Variants in NAAA observed in about 807,000 individuals in gnomAD.
The protein encoded by NAAA is N-acylethanolamine acid amidase, also known as N-acylethanolamine-hydrolyzing acid amidase.
In NAAA, 39 loss-of-function variants were observed where a neutral mutation model predicts 44.8. The observed-to-expected ratio is 0.87, with a 90% CI of 0.67 to 1.14. The LOEUF (loss-of-function observed/expected upper bound fraction) is 1.14, where lower values mean the gene tolerates loss of function less well. Ranked by LOEUF, NAAA falls within the 50% of genes most tolerant of loss-of-function variation. The pLI is 0.00. For synonymous variants in NAAA, 178 were observed against 191.3 expected (o/e 0.93, Z 0.58); for missense variants, 460 against 467.8 (o/e 0.98, Z 0.15).
At chr4:75,915,191 TTC>T (rs1425488254) in intron 9 of NAAA, among the ~76,000 whole-genome samples, 2 of 152,088 alleles carry the variant, frequency 1.3e-5, no homozygotes, top group Non-Finnish European at 2.9e-5. Flanking sequence ...GAACTTAAAA[TTC>T]TCAGACTTAA....
chr4:75,928,496 A>G (rs185806151), intron 4 of NAAA, among the ~76,000 whole-genome samples: 10 of 152,176 alleles, frequency 6.6e-5, no homozygotes, highest in Non-Finnish European at 1.2e-4. Flanking sequence ...TTTCTGAGAC[A>G]TGGGAAACGA....
At position 75,940,125 on chromosome 4, in the gene NAAA, C is replaced by T. The variant is rs747101409; in HGVS notation, c.247G>A (p.Val83Met). ...PKWVHVLIGK[V>M]VLELERFLPQ... ...AGGAAGCGCTCCAGCTCCAGGACCA[C>T]TTTTCCGATTAACACGTGCACCCAC... The change falls in exon 2 of 11, where the codon GTG (valine) becomes ATG (methionine). Residue 83 changes from valine (V) to methionine (M), a missense_variant. Physicochemically the swap from Val to Met is conservative, Grantham distance 21. Coordinates refer to ENST00000286733, the MANE Select transcript of NAAA (RefSeq NM_014435.4). The T allele has an allele frequency of 2.5e-6, 4 of 1,614,148 alleles. No individual in the cohort carries two copies. Among genetic ancestry groups the T allele is most frequent in the Non-Finnish European group, 3.4e-6 (4 of 1,180,050 alleles).
At chr4:75,928,668 G>A (rs564805703) in intron 4 of NAAA, among the ~76,000 whole-genome samples, 5 of 152,190 alleles carry the variant, frequency 3.3e-5, no homozygotes, top group Non-Finnish European at 7.3e-5. Context: ...AGGAGGCCAG[G>A]CCTGGAGATG....
chr4:75,915,740 T>A (rs1243785434), intron 9 of NAAA, among the ~76,000 whole-genome samples: 1 of 152,048 alleles, frequency 6.6e-6, no homozygotes, highest in Admixed American at 6.6e-5. Flanking sequence ...GGAGGGCCTC[T>A]AAAGCTCCAG....
chr4:75,934,353 G>A (rs1469608922), intron 3 of NAAA, among the ~76,000 whole-genome samples: 1 of 151,910 alleles, frequency 6.6e-6, no homozygotes, highest in African/African-American at 2.4e-5. Context: ...GTCTCACTCT[G>A]TCACTGGGCT....
chr4:75,927,195 T>C (rs1173508396), intron 4 of NAAA, among the ~76,000 whole-genome samples: 1 of 152,182 alleles, frequency 6.6e-6, no homozygotes, highest in Non-Finnish European at 1.5e-5. Flanking sequence ...GGCTCATGCC[T>C]GTAATCCCAG....
intron 6 of NAAA, 44 bp from the exon 7 acceptor site, chr4:75,920,844 G>A (rs773338619): frequency 6.8e-6 from 11 of 1,613,506 alleles, no homozygotes; most frequent in East Asian, 2.2e-5. Context: ...GGCAATTTAC[G>A]ACATAGCAGA....
downstream of NAAA, among the ~76,000 whole-genome samples, chr4:75,911,596 G>A (rs1725327117): frequency 6.6e-6 from 1 of 152,166 alleles, no homozygotes; most frequent in Admixed American, 6.5e-5. Flanking sequence ...TTGGGTGAGG[G>A]CCACAGGACT....
At chr4:75,928,393 T>C (rs1035132081) in intron 4 of NAAA, among the ~76,000 whole-genome samples, 3 of 152,106 alleles carry the variant, frequency 2.0e-5, no homozygotes, top group African/African-American at 7.2e-5. Flanking sequence ...AATGGACAGG[T>C]ACAGTCTAGT....
chr4:75,915,840 G>C (rs1368649284), intron 9 of NAAA, among the ~76,000 whole-genome samples: 1 of 152,160 alleles, frequency 6.6e-6, no homozygotes, highest in Non-Finnish European at 1.5e-5. Context: ...TATAACAAGA[G>C]ACCTAAACAA....
chr4:75,920,419 C>T (rs888552970), intron 7 of NAAA, among the ~76,000 whole-genome samples: 7 of 152,176 alleles, frequency 4.6e-5, no homozygotes, highest in Non-Finnish European at 8.8e-5. Context: ...GACCATGAAC[C>T]TGGCCCTTTG....
chr4:75,918,916 G>C, intron 8 of NAAA, 127 bp from the exon 9 acceptor site: 1 of 826,256 alleles, frequency 1.2e-6, no homozygotes, highest in Non-Finnish European at 2.0e-6. Context: ...GCCGACGTGG[G>C]AGGATTACTC....
intron 2 of NAAA, among the ~76,000 whole-genome samples, chr4:75,939,201 C>A (rs1034343613): frequency 6.6e-6 from 1 of 152,172 alleles, no homozygotes; most frequent in Non-Finnish European, 1.5e-5. Flanking sequence ...CACTGGCTGG[C>A]CCTATTAGAG....
intron 1 of NAAA, 81 bp downstream of exon 1, chr4:75,940,663 A>G (rs1425237628): frequency 9.9e-6 from 14 of 1,420,094 alleles, no homozygotes; most frequent in Non-Finnish European, 1.1e-5. Context: ...GTCCCCGTTT[A>G]AAGCACTCTG....
At chr4:75,927,633 G>T (rs1340668606) in intron 4 of NAAA, among the ~76,000 whole-genome samples, 2 of 95,820 alleles carry the variant, frequency 2.1e-5, no homozygotes, top group Non-Finnish European at 1.9e-5. Context: ...AATTTTTAAT[G>T]CCCCCCCCCC....
In NAAA at chr4:75,914,950, C is replaced by T; in HGVS notation, c.1034G>A (p.Ser345Asn). 6.2e-6 allele frequency: 10 copies of T among 1,613,968 alleles called. No individual in the cohort carries two copies. The highest frequency in any genetic ancestry group is 8.5e-6 in the Non-Finnish European group (10 of 1,179,910). ...GATCCTAGTCATGTACTTGTCTGGGCTACCGGCGCTCATTACCGTAGTATA... is the reference window on the plus strand; with the variant it reads ...GATCCTAGTCATGTACTTGTCTGGGTTACCGGCGCTCATTACCGTAGTATA... ...TIYTTVMSAG[S>N]PDKYMTRIRN... The change falls in exon 10 of 11, where the codon AGC (serine) becomes AAC (asparagine). Residue 345 changes from serine to asparagine, a missense_variant. Coordinates refer to ENST00000286733, the MANE Select transcript of NAAA (RefSeq NM_014435.4).
At chr4:75,920,698 T>C (rs1560502629) in intron 7 of NAAA, 40 bp downstream of exon 7, 6 of 1,612,916 alleles carry the variant, frequency 3.7e-6, no homozygotes, top group Non-Finnish European at 5.1e-6. Context: ...CTCCTGACCA[T>C]AAGAAAACAC....
In NAAA at chr4:75,940,817, C is replaced by T. The variant is rs772766279; in HGVS notation, c.133G>A (p.Glu45Lys). ...RFNVSLDSVP[E>K]LRWLPVLRHY... ...CGCAGCACGGGCAGCCAGCGCAGCT[C>T]GGGGACCGAGTCCAGGCTCACGTTG... The change falls in exon 1 of 11, where the codon GAG becomes AAG. Residue 45 changes from glutamate (E) to lysine (K), a missense_variant. Physicochemically the swap from Glu to Lys is moderately conservative, Grantham distance 56. Coordinates refer to ENST00000286733, the MANE Select transcript of NAAA (RefSeq NM_014435.4). The T allele has an allele frequency of 6.3e-7, 1 of 1,597,842 alleles. No individual in the cohort carries two copies. Among genetic ancestry groups the T allele is most frequent in the Admixed American group, 1.7e-5 (1 of 59,780 alleles).
chr4:75,910,949 T>C (rs1725302745), downstream of NAAA, among the ~76,000 whole-genome samples: 1 of 152,164 alleles, frequency 6.6e-6, no homozygotes, highest in Non-Finnish European at 1.5e-5. Context: ...CTTATAGGTT[T>C]GGGATAGACG....
Sources: gnomAD v4.1 joint callset for allele counts (sites outside exome capture counted in the v4.1 genomes callset) on GRCh38, gnomAD v4.1.1 for gene constraint, MANE v1.5 for transcripts, NCBI Gene and HGNC (gene_info 2026-07-23, HGNC 2026-07-21) for gene names.